SIGLEC6: variants seen among roughly 807,000 people sequenced by gnomAD.
SIGLEC6 encodes sialic acid-binding Ig-like lectin 6.
SIGLEC6 carries 31 observed loss-of-function variants against 41.4 expected under a neutral mutation model. The observed-to-expected ratio is 0.75, with a 90% CI of 0.56 to 1.01. The LOEUF (loss-of-function observed/expected upper bound fraction) is 1.01. Ranked by LOEUF, SIGLEC6 falls within the 50% of genes least tolerant of loss-of-function variation. SIGLEC6 has a pLI of 0.00. For missense variants in SIGLEC6, 555 were observed against 558.6 expected (o/e 0.99, Z 0.06); for synonymous variants, 217 against 231.0 (o/e 0.94, Z 0.55).
chr19:51,527,699 A>G, intron 7 of SIGLEC6, 48 bp downstream of exon 7: 1 of 1,557,978 alleles, frequency 6.4e-7, no homozygotes. Context: ...TTAGGGCAGC[A>G]TTCAAAAGGG....
Position 51,531,593 on chromosome 19 carries a change from A to G in SIGLEC6, c.56T>C (p.Leu19Pro), listed in dbSNP as rs1195056231. 1.2e-6 allele frequency: 2 copies of G among 1,613,694 alleles called. No homozygotes were observed. Among genetic ancestry groups the G allele is most frequent in the Non-Finnish European group, 1.7e-6 (2 of 1,179,796 alleles). ...ASEMLPLLLP[L>P]LWAGALAQER... ...CCTGGCCCACTCACCTGCCCACAGC[A>G]GGGGCAGCAGCAGCGGTAGCATCTC... is the stretch of plus-strand genomic sequence containing the variant. Residue 19 changes from leucine (L) to proline (P), a missense_variant, in exon 1 of 8, where the codon CTG becomes CCG. Coordinates refer to ENST00000425629, the MANE Select transcript of SIGLEC6 (RefSeq NM_001245.7).
At chr19:51,529,611 A>G (rs752059827) in intron 5 of SIGLEC6, 113 bp downstream of exon 5, 1 of 1,347,902 alleles carries the variant, frequency 7.4e-7, no homozygotes, top group Non-Finnish European at 1.0e-6. Context: ...GGGTCCCAGC[A>G]GTTGTGAGGG....
chr19:51,530,405 C>T (rs1980060632), intron 4 of SIGLEC6, 32 bp downstream of exon 4: 1 of 1,600,494 alleles, frequency 6.2e-7, no homozygotes, highest in Non-Finnish European at 8.6e-7. Context: ...TTCCATCTGG[C>T]CCTGGAGAGA....
Position 51,519,099 on chromosome 19 carries a change from T to C in SIGLEC6, c.*983A>G, listed in dbSNP as rs1335563248. 6.6e-6 allele frequency among the ~76,000 whole-genome samples: 1 copy of C among 151,860 alleles called. No individual in the cohort carries two copies. The highest frequency in any genetic ancestry group is 1.5e-5 in the Non-Finnish European group (1 of 67,946). ...TCACGAGGTCAGGAGATCAAGACCA[T>C]CCTGGCTAACACGGTGAAACCCCGT... On this transcript the variant is annotated 3_prime_UTR_variant, in exon 8 of 8. Coordinates refer to ENST00000425629, the MANE Select transcript of SIGLEC6 (RefSeq NM_001245.7).
At chr19:51,526,014 C>T (rs748482193) in intron 7 of SIGLEC6, among the ~76,000 whole-genome samples, 13 of 152,186 alleles carry the variant, frequency 8.5e-5, no homozygotes, top group Non-Finnish European at 1.6e-4. Context: ...AGCCTCCAAC[C>T]GTTACTCTTC....
chr19:51,530,305 G>A (rs1980044222), intron 4 of SIGLEC6, 132 bp downstream of exon 4: 3 of 834,316 alleles, frequency 3.6e-6, no homozygotes, highest in Middle Eastern at 2.3e-4. Flanking sequence ...CAAAGGCTGG[G>A]GGTGAGCAAA....
rs755806282 is a variant in SIGLEC6 at position 51,528,163 on chromosome 19, A to C, written c.1103T>G (p.Phe368Cys). ...TLVFLCVCFI[F>C]RVKTRRKKAA... The stretch of plus-strand genomic sequence containing the variant: ...CCTCCCTGGAGCCCACTCTCACCTG[A>C]AGATGAAGCAAACACAGAGGAAAAC... The change falls in exon 6 of 8, where the codon TTC (phenylalanine) becomes TGC (cysteine). Residue 368 changes from phenylalanine (F) to cysteine (C), a missense_variant. Coordinates refer to ENST00000425629, the MANE Select transcript of SIGLEC6 (RefSeq NM_001245.7). 1.2e-6 allele frequency: 2 copies of C among 1,613,888 alleles called. No homozygotes were observed. The highest frequency in any genetic ancestry group is 2.2e-5 in the South Asian group (2 of 91,072).
chr19:51,517,971 C>T lies in SIGLEC6; in HGVS notation c.*2111G>A, dbSNP rs1990657375. 6.6e-6 allele frequency among the ~76,000 whole-genome samples: 1 copy of T among 152,106 alleles called. No individual in the cohort carries two copies. The highest frequency in any genetic ancestry group is 6.5e-5 in the Admixed American group (1 of 15,272). The stretch of plus-strand genomic sequence containing the variant: ...ATATTACATTTGATGTTTGACCCCT[C>T]TACAAACCATCATTTTTACAACAAG... On this transcript the variant is annotated 3_prime_UTR_variant, in exon 8 of 8. Coordinates refer to ENST00000425629, the MANE Select transcript of SIGLEC6 (RefSeq NM_001245.7).
At chr19:51,529,379 A>C in intron 5 of SIGLEC6, 1 of 307,950 alleles carries the variant, frequency 3.2e-6, no homozygotes, top group Non-Finnish European at 6.2e-6. Context: ...AGCAGCTGGG[A>C]CAGAGCTGCT....
rs760075692 is a variant in SIGLEC6 at position 51,531,224 on chromosome 19, A to G, written c.363T>C (p.Phe121=). Residue 121 remains phenylalanine, a synonymous_variant, in exon 2 of 8, where the codon TTT becomes TTC. Transcript: ENST00000425629. ...ATTTCATCCATTTGGACTTCAACCG[A>G]AAGAAGTATGCAGCATTGTCCCTCC... The part of the protein sequence containing the change: ...ARRRDNAAYF[F]RLKSKWMKYG... 3.7e-6 allele frequency: 6 copies of G among 1,613,068 alleles called. No homozygotes were observed. In the East Asian group the frequency reaches 1.3e-4, roughly 36 times the overall value.
rs766414362 is a variant in SIGLEC6 at position 51,529,942 on chromosome 19, A to C, written c.794T>G (p.Leu265Arg). ...GAGCAGCCGCAGAGCCTGGCCCTCC[A>C]GGACAGGGAGGGACGAGGTGTTTTG... Reference protein sequence around the residue: ...ILQNTSSLPVLEGQALRLLCD... With the variant: ...ILQNTSSLPVREGQALRLLCD... The change falls in exon 5 of 8, where the codon CTG becomes CGG. Residue 265 changes from leucine to arginine, a missense_variant. Transcript: ENST00000425629. The C allele has an allele frequency of 3.1e-6, 5 of 1,608,628 alleles. No individual in the cohort carries two copies. The African/African-American group carries it at 6.7e-5, about 22-fold the overall frequency.
intron 7 of SIGLEC6, among the ~76,000 whole-genome samples, chr19:51,523,848 G>A (rs917617097): frequency 1.1e-4 from 17 of 151,990 alleles, no homozygotes; most frequent in East Asian, 5.8e-4. Flanking sequence ...GTGAAAGCCC[G>A]TCTGTACTAA....
At position 51,530,779 on chromosome 19, in the gene SIGLEC6, G is replaced by T. The variant is rs374725455; in HGVS notation, c.608C>A (p.Thr203Asn). Reference protein sequence around the residue: ...RTTQSSVLTITPRPQDHSTNL... With the variant: ...RTTQSSVLTINPRPQDHSTNL... ...GGTGCTGTGGTCCTGGGGCCGTGGG[G>T]TGATTGTGAGCACCGAGGACTGGGT... The change falls in exon 3 of 8, where the codon ACC (threonine) becomes AAC (asparagine). Residue 203 changes from threonine (T) to asparagine (N), a missense_variant. Coordinates refer to ENST00000425629, the MANE Select transcript of SIGLEC6 (RefSeq NM_001245.7). The T allele has an allele frequency of 2.9e-5, 47 of 1,614,078 alleles. No individual in the cohort carries two copies. In the African/African-American group the frequency reaches 5.3e-4, roughly 18 times the overall value.
At chr19:51,521,941 G>C (rs944845344) in intron 7 of SIGLEC6, among the ~76,000 whole-genome samples, 3 of 152,202 alleles carry the variant, frequency 2.0e-5, no homozygotes, top group African/African-American at 4.8e-5. Context: ...AGTACGTGGA[G>C]GATAAATTCA....
chr19:51,530,469 A>G lies in SIGLEC6; in HGVS notation c.722T>C (p.Val241Ala). Residue 241 changes from valine (V) to alanine (A), a missense_variant, in exon 4 of 8, where the codon GTG becomes GCG. Coordinates refer to ENST00000425629, the MANE Select transcript of SIGLEC6 (RefSeq NM_001245.7). ...QLNVSYAPQK[V>A]AISIFQGNSA... ...GTTTCCTTGGAAGATGCTGATGGCC[A>G]CTTTCTGTGGAGCATCTGGGGTGGA... is the stretch of plus-strand genomic sequence containing the variant. The G allele has an allele frequency of 6.2e-7, 1 of 1,614,084 alleles. No individual in the cohort carries two copies. The highest frequency in any genetic ancestry group is 8.5e-7 in the Non-Finnish European group (1 of 1,179,966).
intron 7 of SIGLEC6, among the ~76,000 whole-genome samples, chr19:51,525,100 G>T (rs1209848755): frequency 6.6e-6 from 1 of 152,178 alleles, no homozygotes; most frequent in African/African-American, 2.4e-5. Flanking sequence ...ACCAACAAGA[G>T]AGGCCAGGTT....
chr19:51,528,905 C>T (rs1031231082), intron 5 of SIGLEC6, among the ~76,000 whole-genome samples: 2 of 146,884 alleles, frequency 1.4e-5, no homozygotes, highest in African/African-American at 2.5e-5. Flanking sequence ...CTCTTGAACC[C>T]GGGAGGTGGA....
At chr19:51,531,012 A>T (rs531834333) in intron 2 of SIGLEC6, 53 bp from the exon 3 acceptor site, 2 of 1,589,380 alleles carry the variant, frequency 1.3e-6, no homozygotes, top group Non-Finnish European at 1.7e-6. Flanking sequence ...GGTTTCACCC[A>T]GGGGGAAGCC....
Position 51,529,621 on chromosome 19 carries a change from G to A in SIGLEC6, c.1012+103C>T, listed in dbSNP as rs371422423. 5.5e-6 allele frequency: 8 copies of A among 1,462,796 alleles called. No individual in the cohort carries two copies. The South Asian group carries it at 6.1e-5, about 11-fold the overall frequency. The allele number at this position is 1,462,796 out of a possible 1,614,324, so 90.6% of individuals were successfully genotyped here. A position where few individuals can be genotyped will look rare whatever the true frequency, so the allele number is the denominator to read the frequency against. ...TAGGAGGGTCCCAGCAGTTGTGAGG[G>A]GTCTGGGGAGGGAGGACAGGACTTA... On this transcript the variant is annotated intron_variant, in intron 5 of 7. Coordinates refer to ENST00000425629, the MANE Select transcript of SIGLEC6 (RefSeq NM_001245.7).
Sources: gnomAD v4.1 joint callset for allele counts (sites outside exome capture counted in the v4.1 genomes callset) on GRCh38, gnomAD v4.1.1 for gene constraint, MANE v1.5 for transcripts, NCBI Gene and HGNC (gene_info 2026-07-23, HGNC 2026-07-21) for gene names.